The following CFAP99 variants were observed in gnomAD, a reference collection of about 807,000 sequenced individuals.
CFAP99 encodes cilia and flagella associated protein 99.
Under a neutral mutation model 82.7 loss-of-function variants are expected in CFAP99, and 84 were observed. The observed-to-expected ratio is 1.02, with a 90% CI of 0.85 to 1.22. The LOEUF is 1.22. Ranked by LOEUF, CFAP99 falls within the 50% of genes most tolerant of loss-of-function variation. The pLI is 0.00. For synonymous variants in CFAP99, 456 were observed against 429.5 expected (o/e 1.06, Z -0.76); for missense variants, 1,059 against 983.5 (o/e 1.08, Z -1.03).
intron 2 of CFAP99, among the ~76,000 whole-genome samples, chr4:2,431,342 C>G (rs1356814012): frequency 6.7e-6 from 1 of 150,302 alleles, no homozygotes; most frequent in African/African-American, 2.5e-5. Context: ...GCACTCAAGC[C>G]TGGGCGACAG....
chr4:2,450,286 C>G (rs1357796592), intron 8 of CFAP99: 6 of 493,304 alleles, frequency 1.2e-5, no homozygotes, highest in Non-Finnish European at 2.2e-5. Context: ...TGTTCCGTGA[C>G]AAGCATTTCA....
At chr4:2,428,724 CCT>C (rs1465129245) in intron 2 of CFAP99, 3 of 152,826 alleles carry the variant, frequency 2.0e-5, no homozygotes, top group African/African-American at 2.4e-5. Context: ...TCGGGCCTCC[CCT>C]GTCGGGTGTG....
intron 11 of CFAP99, among the ~76,000 whole-genome samples, chr4:2,458,373 C>T (rs954107601): frequency 3.3e-5 from 5 of 152,174 alleles, no homozygotes; most frequent in Non-Finnish European, 5.9e-5. Context: ...CTACCCCGGG[C>T]CCCCTACCCT....
intron 4 of CFAP99, among the ~76,000 whole-genome samples, chr4:2,440,146 A>ATACTTTTTTTTTTTT (rs1560382282): frequency 5.2e-5 from 5 of 95,874 alleles, no homozygotes; most frequent in African/African-American, 2.5e-4. Context: ...CCAGCTTGAC[A>ATACTTTTTTTTTTTT]TTCTTTTTTT....
chr4:2,431,719 A>G (rs1465612387), intron 2 of CFAP99, among the ~76,000 whole-genome samples: 1 of 149,140 alleles, frequency 6.7e-6, no homozygotes, highest in Non-Finnish European at 1.5e-5. Flanking sequence ...TTGCCCGTCA[A>G]ATAGGTGGGA....
chr4:2,440,393 G>A (rs1469771690), intron 4 of CFAP99, among the ~76,000 whole-genome samples: 2 of 150,638 alleles, frequency 1.3e-5, no homozygotes, highest in African/African-American at 2.4e-5. Context: ...TGATCCGCCC[G>A]CCTCGGCCTC....
At chr4:2,440,146 A>ATTTTTTTTTTTTTTTTT (rs1560382287) in intron 4 of CFAP99, among the ~76,000 whole-genome samples, 2 of 95,868 alleles carry the variant, frequency 2.1e-5, no homozygotes, top group African/African-American at 5.0e-5. Context: ...CCAGCTTGAC[A>ATTTTTTTTTTTTTTTTT]TTCTTTTTTT....
intron 2 of CFAP99, among the ~76,000 whole-genome samples, chr4:2,435,517 C>T (rs904835124): frequency 9.2e-5 from 14 of 151,768 alleles, no homozygotes; most frequent in African/African-American, 3.4e-4. Flanking sequence ...AAATGTTATC[C>T]CAATAAAAAA....
chr4:2,431,797 A>T (rs138000562), intron 2 of CFAP99, among the ~76,000 whole-genome samples: 46 of 151,638 alleles, frequency 3.0e-4, no homozygotes, highest in Non-Finnish European at 2.9e-5. Flanking sequence ...GCTCATGGCC[A>T]CTTCCACCTC....
intron 2 of CFAP99, among the ~76,000 whole-genome samples, chr4:2,434,442 G>T (rs571869421): frequency 7.1e-4 from 108 of 152,348 alleles, no homozygotes; most frequent in African/African-American, 2.5e-3. Context: ...GACTGTCCCC[G>T]GGAGAATGTT....
chr4:2,437,093 G>A (rs1184366334), intron 3 of CFAP99, 75 bp downstream of exon 3: 1 of 1,507,816 alleles, frequency 6.6e-7, no homozygotes, highest in East Asian at 2.5e-5. Context: ...AGGCCTGGCA[G>A]GCAGGCAGCG....
At chr4:2,441,447 G>C (rs1451570937) in intron 4 of CFAP99, among the ~76,000 whole-genome samples, 2 of 152,110 alleles carry the variant, frequency 1.3e-5, no homozygotes, top group Non-Finnish European at 2.9e-5. Flanking sequence ...TGGTGGAGGT[G>C]GCCCTGGATC....
rs1734661129 is a variant in CFAP99 at position 2,462,811 on chromosome 4, C to A, written c.2030C>A (p.Ala677Glu). Residue 677 changes from alanine to glutamate, a missense_variant, in exon 15 of 15, where the codon GCG (alanine) becomes GAG (glutamate). Transcript: ENST00000635017. The surrounding 1 kb of genome is among the most constrained non-coding windows in gnomAD (Gnocchi z 4.1). ...GCCGACGCGTTCCCCGGCCTGCAGG[C>A]GCAGCTAGAGGCGCAGCACTGGCTG... The A allele has an allele frequency of 2.3e-6, 3 of 1,319,920 alleles. No individual in the cohort carries two copies. Among genetic ancestry groups the A allele is most frequent in the Non-Finnish European group, 9.6e-7 (1 of 1,037,224 alleles). The allele number at this position is 1,319,920 out of a possible 1,614,324, so 81.8% of individuals were successfully genotyped here. A position where few individuals can be genotyped will look rare whatever the true frequency, so the allele number is the denominator to read the frequency against.
chr4:2,442,467 G>A (rs372036377), intron 4 of CFAP99, among the ~76,000 whole-genome samples: 1 of 152,172 alleles, frequency 6.6e-6, no homozygotes, highest in South Asian at 2.1e-4. Flanking sequence ...TGGCCACCCT[G>A]GGGAGGCACA....
In CFAP99 at chr4:2,462,812, G is replaced by GC. The variant is rs1734661341; in HGVS notation, c.2032dup (p.Gln678ProfsTer?). 5 of 1,321,190 alleles carry GC rather than the reference G, an allele frequency of 3.8e-6. No individual in the cohort carries two copies. The highest frequency in any genetic ancestry group is 4.8e-6 in the Non-Finnish European group (5 of 1,037,860). The allele number at this position is 1,321,190 out of a possible 1,614,324, so 81.8% of individuals were successfully genotyped here. ...CCGACGCGTTCCCCGGCCTGCAGGC[G>GC]CAGCTAGAGGCGCAGCACTGGCTGG... is the stretch of plus-strand genomic sequence containing the variant. On this transcript the variant is annotated frameshift_variant, in exon 15 of 15. Coordinates refer to ENST00000635017, the Ensembl canonical transcript of CFAP99. LOFTEE classifies it low-confidence loss of function (END_TRUNC). This position sits in a 1 kb window ranked among gnomAD's most constrained non-coding sequence, Gnocchi z 4.1.
chr4:2,457,786 C>T (rs747835147), intron 11 of CFAP99, among the ~76,000 whole-genome samples: 4 of 152,102 alleles, frequency 2.6e-5, no homozygotes, highest in Admixed American at 6.6e-5. Context: ...TATTCCGTGC[C>T]GAGGCTGGTG....
chr4:2,451,096 C>T, intron 9 of CFAP99, 78 bp downstream of exon 9: 1 of 1,482,666 alleles, frequency 6.7e-7, no homozygotes, highest in East Asian at 2.5e-5. Flanking sequence ...CGTAGAGGCT[C>T]AGATGACCTG....
intron 8 of CFAP99, chr4:2,450,258 C>T: frequency 1.8e-6 from 1 of 551,428 alleles, no homozygotes; most frequent in Non-Finnish European, 3.3e-6. Flanking sequence ...GCAGGTGCTG[C>T]CTCTGGGTAT....
At chr4:2,426,978 G>A in intron 2 of CFAP99, 1 of 242,250 alleles carries the variant, frequency 4.1e-6, no homozygotes. Context: ...GGTGCGCAAG[G>A]CCACAACTTG....
Sources: gnomAD v4.1 joint callset for allele counts (sites outside exome capture counted in the v4.1 genomes callset) on GRCh38, gnomAD v4.1.1 for gene constraint, Gnocchi (gnomAD v3.1) non-coding constraint, MANE v1.5 for transcripts, NCBI Gene and HGNC (gene_info 2026-07-23, HGNC 2026-07-21) for gene names.